The following FHIP1A variants were observed in gnomAD, a reference collection of about 807,000 sequenced individuals.
FHIP1A encodes the protein FHF complex subunit HOOK-interacting protein 1A.
A neutral mutation model predicts 88.6 loss-of-function variants in FHIP1A; 61 were observed. That is an observed-to-expected ratio of 0.69 (90% CI 0.56 to 0.85). The LOEUF is 0.85. Among genes scored for constraint, FHIP1A ranks in the 40% least tolerant of loss-of-function variants. FHIP1A has a pLI of 0.00. For synonymous variants in FHIP1A, 478 were observed against 496.0 expected, an observed-to-expected ratio of 0.96 and a Z score of 0.48; for missense variants, 1,154 against 1,273.5, an observed-to-expected ratio of 0.91 and a Z score of 1.43.
At chr4:151,571,831 C>A (rs1733613265) in intron 4 of FHIP1A, among the ~76,000 whole-genome samples, 1 of 152,346 alleles carries the variant, frequency 6.6e-6, no homozygotes, top group Admixed American at 6.5e-5. Context: ...CTAGCCTTGA[C>A]AGTAGAAGGT....
intron 1 of FHIP1A, among the ~76,000 whole-genome samples, chr4:151,453,531 C>G (rs1165873217): frequency 6.6e-6 from 1 of 152,116 alleles, no homozygotes; most frequent in East Asian, 1.9e-4. Flanking sequence ...GTAACACATA[C>G]AACAAACTTA....
At chr4:151,632,670 A>G (rs1736200305) in intron 8 of FHIP1A, among the ~76,000 whole-genome samples, 1 of 152,090 alleles carries the variant, frequency 6.6e-6, no homozygotes, top group Non-Finnish European at 1.5e-5. Flanking sequence ...AACTAGAAAT[A>G]AATAGCAGAA....
At chr4:151,519,438 A>G (rs76097103) in intron 3 of FHIP1A, among the ~76,000 whole-genome samples, 3,105 of 152,066 alleles carry the variant, frequency 0.02, 106 homozygotes, top group African/African-American at 0.07. Context: ...ATTGCTGAGT[A>G]CTATTTCATT....
intron 2 of FHIP1A, among the ~76,000 whole-genome samples, chr4:151,481,191 G>A (rs1356398194): frequency 2.0e-5 from 3 of 151,830 alleles, no homozygotes; most frequent in African/African-American, 7.3e-5. Context: ...AAGTAGTTGT[G>A]ATCATATGTA....
chr4:151,439,248 A>T (rs533259000), intron 1 of FHIP1A, among the ~76,000 whole-genome samples: 4 of 152,258 alleles, frequency 2.6e-5, no homozygotes, highest in African/African-American at 7.2e-5. Context: ...CATTAAAAGG[A>T]CTGACTCCAG....
intron 2 of FHIP1A, among the ~76,000 whole-genome samples, chr4:151,465,167 C>T (rs1411389025): frequency 6.6e-6 from 1 of 152,144 alleles, no homozygotes; most frequent in East Asian, 1.9e-4. Flanking sequence ...TGCACTGCAA[C>T]CTGGGTGACA....
chr4:151,616,154 C>T (rs368907418), intron 7 of FHIP1A, among the ~76,000 whole-genome samples: 72 of 152,230 alleles, frequency 4.7e-4, no homozygotes, highest in East Asian at 2.7e-3. Context: ...TGAATTTGTA[C>T]GGCTGAGGAT....
At chr4:151,443,661 A>T (rs1728489381) in intron 1 of FHIP1A, among the ~76,000 whole-genome samples, 2 of 131,676 alleles carry the variant, frequency 1.5e-5, no homozygotes, top group East Asian at 2.2e-4. Flanking sequence ...CTCTTCCCTG[A>T]GTGAGAATTC....
At chr4:151,492,848 A>T (rs964313297) in intron 3 of FHIP1A, among the ~76,000 whole-genome samples, 6 of 152,198 alleles carry the variant, frequency 3.9e-5, no homozygotes, top group African/African-American at 1.4e-4. Context: ...CTAAGAGGAC[A>T]GTTCATAGCA....
At chr4:151,527,480 T>C (rs1261811174) in intron 3 of FHIP1A, among the ~76,000 whole-genome samples, 1 of 151,876 alleles carries the variant, frequency 6.6e-6, no homozygotes, top group Non-Finnish European at 1.5e-5. Context: ...AGCAGTACCG[T>C]CCAGCTTCGG....
intron 1 of FHIP1A, among the ~76,000 whole-genome samples, chr4:151,435,611 C>A (rs1053505507): frequency 6.6e-6 from 1 of 151,868 alleles, no homozygotes; most frequent in Non-Finnish European, 1.5e-5. Flanking sequence ...ATGGGGAAAC[C>A]CCATCTCTAC....
chr4:151,495,751 G>C (rs935561580), intron 3 of FHIP1A, among the ~76,000 whole-genome samples: 1 of 150,434 alleles, frequency 6.6e-6, no homozygotes, highest in Non-Finnish European at 1.5e-5. Context: ...AGCTTCCCAA[G>C]TACCAGGGAT....
At chr4:151,631,052 A>G (rs1222654132) in intron 8 of FHIP1A, among the ~76,000 whole-genome samples, 1 of 152,176 alleles carries the variant, frequency 6.6e-6, no homozygotes, top group Non-Finnish European at 1.5e-5. Flanking sequence ...TTAAAAAAAG[A>G]AGAAAGAGCT....
At chr4:151,415,774 A>G (rs1281058854) in intron 1 of FHIP1A, among the ~76,000 whole-genome samples, 2 of 152,240 alleles carry the variant, frequency 1.3e-5, no homozygotes, top group South Asian at 2.1e-4. Context: ...ATAAGAGGTC[A>G]TAACAGCAAA....
At chr4:151,411,372 GTCTC>G (rs147390204) in intron 1 of FHIP1A, among the ~76,000 whole-genome samples, 1 of 43,416 alleles carries the variant, frequency 2.3e-5, no homozygotes, top group Non-Finnish European at 5.8e-5. Context: ...TAAAGTTAGG[GTCTC>G]TCTCTCTCTC....
intron 1 of FHIP1A, among the ~76,000 whole-genome samples, chr4:151,433,499 C>T (rs1733672059): frequency 6.6e-6 from 1 of 151,970 alleles, no homozygotes. Flanking sequence ...GGAGGACAGA[C>T]TACTTAGATT....
chr4:151,430,749 A>C (rs1012586473), intron 1 of FHIP1A, among the ~76,000 whole-genome samples: 1 of 152,238 alleles, frequency 6.6e-6, no homozygotes, highest in Non-Finnish European at 1.5e-5. Context: ...CCTCAGGACT[A>C]TACTTTTCAC....
intron 3 of FHIP1A, among the ~76,000 whole-genome samples, chr4:151,497,999 A>T (rs547619683): frequency 2.0e-5 from 3 of 152,264 alleles, no homozygotes; most frequent in Non-Finnish European, 4.4e-5. Flanking sequence ...TGTTTGTCAG[A>T]TTATCAAGAA....
At chr4:151,546,225 C>T (rs1732496775) in intron 3 of FHIP1A, among the ~76,000 whole-genome samples, 1 of 152,244 alleles carries the variant, frequency 6.6e-6, no homozygotes. Context: ...CCAGGCTCTT[C>T]AGCCTTTGGA....
Sources: allele counts gnomAD v4.1 joint callset (sites outside exome capture counted in the v4.1 genomes callset), GRCh38; gene constraint gnomAD v4.1.1; transcripts MANE v1.5; gene names NCBI Gene and HGNC (gene_info 2026-07-23, HGNC 2026-07-21).